RSBN1: variants seen among roughly 807,000 people sequenced by gnomAD.
RSBN1 encodes round spermatid basic protein 1.
In RSBN1, 23 loss-of-function variants were observed where a neutral mutation model predicts 74.8. That is an observed-to-expected ratio of 0.31 (90% confidence interval 0.22 to 0.44). The LOEUF (loss-of-function observed/expected upper bound fraction) is 0.44. Ranked by LOEUF, RSBN1 falls within the 20% of genes least tolerant of loss-of-function variation. RSBN1 has a pLI of 1.00. For missense variants in RSBN1, 808 were observed against 1,020.9 expected (o/e 0.79, Z 2.84); for synonymous variants, 407 against 379.6 (o/e 1.07, Z -0.84).
At chr1:113,789,923 C>A (rs897545052) in intron 2 of RSBN1, among the ~76,000 whole-genome samples, 1 of 152,026 alleles carries the variant, frequency 6.6e-6, no homozygotes, top group East Asian at 1.9e-4. Flanking sequence ...ACAAAAATAA[C>A]CTGCAGAATG....
chr1:113,812,210 G>C lies in RSBN1; in HGVS notation c.203C>G (p.Pro68Arg), dbSNP rs746782805. The C allele has an allele frequency of 1.4e-5, 23 of 1,607,460 alleles. No homozygotes were observed. The highest frequency in any genetic ancestry group is 1.8e-5 in the Non-Finnish European group (21 of 1,179,856). Reference sequence around the variant, plus strand: ...AGGTTTCTCCTTCCCCTCTTTGTCCGGCTCCTCCTGCGCCGCCACCGCCCG... The same window carrying C: ...AGGTTTCTCCTTCCCCTCTTTGTCCCGCTCCTCCTGCGCCGCCACCGCCCG... ...VVRAVAAQEE[P>R]DKEGKEKPHA... Residue 68 changes from proline (P) to arginine (R), a missense_variant, in exon 1 of 7, where the codon CCG becomes CGG. Transcript: ENST00000261441.
intron 2 of RSBN1, among the ~76,000 whole-genome samples, chr1:113,784,371 T>A (rs1189365586): frequency 6.6e-6 from 1 of 152,234 alleles, no homozygotes; most frequent in Non-Finnish European, 1.5e-5. Context: ...CTATATGACA[T>A]AGCCTATTGC....
At chr1:113,811,063 C>A (rs1394489178) in intron 1 of RSBN1, among the ~76,000 whole-genome samples, 1 of 152,166 alleles carries the variant, frequency 6.6e-6, no homozygotes, top group African/African-American at 2.4e-5. Context: ...CACAAATTCC[C>A]ACTTTTCAGA....
rs370885637 is a variant in RSBN1, at chr1:113,805,133, T to G, written c.703+6577A>C. On this transcript the variant is annotated intron_variant, in intron 1 of 6. Transcript: ENST00000261441. The stretch of plus-strand genomic sequence containing the variant: ...AGTATGTTTGTCCTATTTTTTTTTT[T>G]GAAACGGAGTCTGACTCTGTCGACC... 2.6e-5 allele frequency among the ~76,000 whole-genome samples: 4 copies of G among 152,082 alleles called. No homozygotes were observed. In the East Asian group the frequency reaches 7.7e-4, roughly 29 times the overall value.
chr1:113,770,526 T>C (rs1659867591), intron 4 of RSBN1, among the ~76,000 whole-genome samples: 1 of 152,200 alleles, frequency 6.6e-6, no homozygotes, highest in Non-Finnish European at 1.5e-5. Flanking sequence ...CCAGAAAAAC[T>C]GCACATTCTC....
intron 4 of RSBN1, among the ~76,000 whole-genome samples, chr1:113,772,858 C>T (rs530324120): frequency 9.9e-5 from 15 of 152,212 alleles, no homozygotes; most frequent in Admixed American, 9.2e-4. Context: ...AAATCTCTTC[C>T]TCTATACTGA....
chr1:113,785,544 TC>T (rs1369243379), intron 2 of RSBN1, among the ~76,000 whole-genome samples: 1 of 152,192 alleles, frequency 6.6e-6, no homozygotes, highest in African/African-American at 2.4e-5. Flanking sequence ...GCCACTGTAC[TC>T]AACACAGGTA....
intron 1 of RSBN1, among the ~76,000 whole-genome samples, chr1:113,802,073 G>A (rs1015679256): frequency 6.6e-5 from 10 of 151,726 alleles, no homozygotes; most frequent in Non-Finnish European, 4.4e-5. Flanking sequence ...TCCCACCTCA[G>A]CCTCCCAAGT....
intron 2 of RSBN1, among the ~76,000 whole-genome samples, chr1:113,779,660 A>G (rs1474558269): frequency 6.6e-6 from 1 of 152,198 alleles, no homozygotes; most frequent in African/African-American, 2.4e-5. Flanking sequence ...AAGCACTCTA[A>G]AACAACTAAA....
chr1:113,789,321 G>A (rs1204769298), intron 2 of RSBN1, among the ~76,000 whole-genome samples: 4 of 152,154 alleles, frequency 2.6e-5, no homozygotes, highest in Non-Finnish European at 5.9e-5. Context: ...AAGATCAACA[G>A]GAACTCATAC....
At chr1:113,771,978 A>G (rs1222346240) in intron 4 of RSBN1, among the ~76,000 whole-genome samples, 1 of 152,104 alleles carries the variant, frequency 6.6e-6, no homozygotes, top group Non-Finnish European at 1.5e-5. Flanking sequence ...AAAATGTGAC[A>G]TGGTTTTAAG....
Position 113,763,285 on chromosome 1 carries a change from A to G in RSBN1, c.*2695T>C, listed in dbSNP as rs1659715676. The G allele has an allele frequency of 6.5e-6, 1 of 152,786 alleles. No individual in the cohort carries two copies. The highest frequency in any genetic ancestry group is 2.4e-5 in the African/African-American group (1 of 41,444). The allele number at this position is 152,786 out of a possible 1,614,324, so 9.5% of individuals were successfully genotyped here. A position where few individuals can be genotyped will look rare whatever the true frequency, so the allele number is the denominator to read the frequency against. The stretch of plus-strand genomic sequence containing the variant: ...AAACCATCCCTCTGCTCCACAAAAT[A>G]TTAAAACTTATAGCCACATTGTGCA... On this transcript the variant is annotated 3_prime_UTR_variant, in exon 7 of 7. Coordinates refer to ENST00000261441, the MANE Select transcript of RSBN1 (RefSeq NM_018364.5).
In RSBN1 at chr1:113,812,008, T is replaced by C; in HGVS notation, c.405A>G (p.Pro135=). The C allele has an allele frequency of 6.5e-7, 1 of 1,545,096 alleles. No individual in the cohort carries two copies. Among genetic ancestry groups the C allele is most frequent in the Non-Finnish European group, 8.7e-7 (1 of 1,145,580 alleles). ...GCAGGAGAAGAGGCTCAACAGGGCCTGGGACAGTTGGGGCTGCATTCGTTG... is the reference window on the plus strand; with the variant it reads ...GCAGGAGAAGAGGCTCAACAGGGCCCGGGACAGTTGGGGCTGCATTCGTTG... ...LPPTNAAPTV[P]GPVEPLLLPP... The change falls in exon 1 of 7, where the codon CCA becomes CCG. Residue 135 remains proline, a synonymous_variant. Coordinates refer to ENST00000261441, the MANE Select transcript of RSBN1 (RefSeq NM_018364.5).
chr1:113,772,381 T>TA (rs1257514579), intron 4 of RSBN1, among the ~76,000 whole-genome samples: 3 of 151,974 alleles, frequency 2.0e-5, no homozygotes, highest in Admixed American at 6.6e-5. Flanking sequence ...TACACAAGAT[T>TA]AAAAAAATTT....
intron 2 of RSBN1, among the ~76,000 whole-genome samples, chr1:113,790,774 T>C (rs1660348610): frequency 6.6e-6 from 1 of 152,124 alleles, no homozygotes; most frequent in Admixed American, 6.6e-5. Flanking sequence ...ACTAGAGTAA[T>C]GGTAGATGGT....
At chr1:113,802,122 T>G (rs1660597633) in intron 1 of RSBN1, among the ~76,000 whole-genome samples, 1 of 152,066 alleles carries the variant, frequency 6.6e-6, no homozygotes, top group Non-Finnish European at 1.5e-5. Flanking sequence ...GCCCAGCTAA[T>G]TCTTGTATTT....
At chr1:113,777,377 A>G (rs1198251060) in intron 3 of RSBN1, 25 bp from the exon 4 acceptor site, 2 of 1,583,450 alleles carry the variant, frequency 1.3e-6, no homozygotes, top group Non-Finnish European at 1.7e-6. Context: ...GATTAGTCAC[A>G]TTAAAAAATT....
At chr1:113,792,874 A>G (rs1660393968) in intron 2 of RSBN1, among the ~76,000 whole-genome samples, 1 of 152,172 alleles carries the variant, frequency 6.6e-6, no homozygotes, top group Non-Finnish European at 1.5e-5. Flanking sequence ...TTATAAAGTT[A>G]TCCTGTATCA....
chr1:113,786,733 G>A (rs578101571), intron 2 of RSBN1, among the ~76,000 whole-genome samples: 20 of 152,294 alleles, frequency 1.3e-4, no homozygotes, highest in African/African-American at 4.6e-4. Context: ...CACTTTGGGA[G>A]GCCAAGGCAG....
Sources: allele counts gnomAD v4.1 joint callset (sites outside exome capture counted in the v4.1 genomes callset), GRCh38; gene constraint gnomAD v4.1.1; transcripts MANE v1.5; gene names NCBI Gene and HGNC (gene_info 2026-07-23, HGNC 2026-07-21).